RPRD1A: variants seen among roughly 807,000 people sequenced by gnomAD.
RPRD1A encodes regulation of nuclear pre-mRNA domain containing 1A, also known as regulation of nuclear pre-mRNA domain-containing protein 1A.
A neutral mutation model predicts 37.8 loss-of-function variants in RPRD1A; 9 were observed. The observed-to-expected ratio is 0.24, with a 90% CI of 0.14 to 0.42. The LOEUF is 0.42. RPRD1A is among the 10% of genes least tolerant of loss of function. The pLI is 1.00. For missense variants in RPRD1A, 255 were observed against 371.0 expected (o/e 0.69, Z 2.57); for synonymous variants, 138 against 139.7 (o/e 0.99, Z 0.08).
intron 1 of RPRD1A, chr18:36,052,984 CA>C (rs1458020206): frequency 2.6e-5 from 4 of 151,976 alleles, no homozygotes; most frequent in African/African-American, 9.7e-5. Flanking sequence ...GAACCCATCT[CA>C]AAAAACAGAA....
intron 1 of RPRD1A, among the ~76,000 whole-genome samples, chr18:36,049,090 C>CG: frequency 6.6e-6 from 1 of 152,052 alleles, no homozygotes; most frequent in Non-Finnish European, 1.5e-5. Context: ...TTAGTAGAGA[C>CG]GGGGTTCCAC....
At chr18:36,055,496 C>CTAAAA (rs1281029288) in intron 1 of RPRD1A, among the ~76,000 whole-genome samples, 1 of 152,164 alleles carries the variant, frequency 6.6e-6, no homozygotes, top group East Asian at 1.9e-4. Flanking sequence ...TCATGATACT[C>CTAAAA]TTTAGAGATT....
At chr18:36,033,635 A>G in intron 2 of RPRD1A, 73 bp downstream of exon 2, 1 of 1,335,644 alleles carries the variant, frequency 7.5e-7, no homozygotes, top group East Asian at 2.4e-5. Context: ...TTAATAGTTT[A>G]AGGCAAATTT....
chr18:36,011,005 T>G (rs1910144905), intron 6 of RPRD1A, among the ~76,000 whole-genome samples: 1 of 152,186 alleles, frequency 6.6e-6, no homozygotes, highest in Admixed American at 6.5e-5. Flanking sequence ...ATAAAAATAC[T>G]ACAGACATCT....
intron 6 of RPRD1A, chr18:36,025,760 A>G (rs1911324245): frequency 3.3e-6 from 2 of 600,258 alleles, no homozygotes; most frequent in Non-Finnish European, 5.0e-6. Context: ...CTTACCCTTA[A>G]TTCTGTGGAC....
chr18:36,062,646 GT>G (rs1314378326), intron 1 of RPRD1A, among the ~76,000 whole-genome samples: 2 of 152,140 alleles, frequency 1.3e-5, no homozygotes, highest in African/African-American at 2.4e-5. Context: ...TAATTAACAT[GT>G]TTTCCAGGCT....
chr18:36,004,323 C>A lies in RPRD1A; in HGVS notation c.790-11023G>T, dbSNP rs1045614319. Among the ~76,000 whole-genome samples, 25 of 152,116 alleles carry A rather than the reference C, an allele frequency of 1.6e-4. 1 individual carries two copies. Among genetic ancestry groups the A allele is most frequent in the Admixed American group, 1.6e-3 (25 of 15,274 alleles). On this transcript the variant is annotated intron_variant, in intron 6 of 6. Coordinates refer to ENST00000399022, the MANE Select transcript of RPRD1A (RefSeq NM_018170.5). ...TGGCTGAAATGCAGTGGTGCAGTATCAGCTTACTACAACCTCTGCCTCCTG... is the reference window on the plus strand; with the variant it reads ...TGGCTGAAATGCAGTGGTGCAGTATAAGCTTACTACAACCTCTGCCTCCTG...
At chr18:36,011,757 GTAAAA>G (rs1483885145) in intron 6 of RPRD1A, among the ~76,000 whole-genome samples, 1 of 152,106 alleles carries the variant, frequency 6.6e-6, no homozygotes, top group African/African-American at 2.4e-5. Flanking sequence ...GGGCCTATAA[GTAAAA>G]TAATAGCTTA....
chr18:36,023,095 G>A (rs1025546589), intron 6 of RPRD1A, among the ~76,000 whole-genome samples: 2 of 152,196 alleles, frequency 1.3e-5, no homozygotes, highest in South Asian at 4.1e-4. Context: ...GAGCAATTTT[G>A]ACATTCAAGT....
intron 6 of RPRD1A, among the ~76,000 whole-genome samples, chr18:36,004,112 T>A (rs1909592775): frequency 6.7e-6 from 1 of 149,628 alleles, no homozygotes; most frequent in African/African-American, 2.5e-5. Context: ...ATTACAGGCA[T>A]GAGCCACTGC....
intron 1 of RPRD1A, among the ~76,000 whole-genome samples, chr18:36,066,939 A>G (rs2089042682): frequency 6.6e-6 from 1 of 152,138 alleles, no homozygotes; most frequent in Non-Finnish European, 1.5e-5. Flanking sequence ...CTCCATTATC[A>G]TTCACAGAAT....
At chr18:36,027,934 C>T (rs1247754198) in intron 4 of RPRD1A, 2 of 151,964 alleles carry the variant, frequency 1.3e-5, no homozygotes, top group African/African-American at 2.4e-5. Context: ...ATATATATTG[C>T]TTAACCAGTA....
intron 1 of RPRD1A, among the ~76,000 whole-genome samples, chr18:36,040,364 A>G (rs1912494120): frequency 1.3e-5 from 2 of 152,230 alleles, no homozygotes; most frequent in African/African-American, 4.8e-5. Context: ...ATGTGTTATG[A>G]AACATTAGTG....
intron 6 of RPRD1A, among the ~76,000 whole-genome samples, chr18:36,019,910 C>G (rs189847536): frequency 6.6e-6 from 1 of 152,112 alleles, no homozygotes; most frequent in South Asian, 2.1e-4. Flanking sequence ...CGTGATGGCG[C>G]GCACCTGTAA....
At chr18:36,055,412 T>A (rs936503738) in intron 1 of RPRD1A, among the ~76,000 whole-genome samples, 1 of 152,222 alleles carries the variant, frequency 6.6e-6, no homozygotes, top group African/African-American at 2.4e-5. Flanking sequence ...CTTCCTTCTA[T>A]TAGCCTGTAC....
chr18:36,016,575 C>CT (rs1279670024), intron 6 of RPRD1A, among the ~76,000 whole-genome samples: 2 of 152,106 alleles, frequency 1.3e-5, no homozygotes, highest in African/African-American at 2.4e-5. Context: ...TCTCCTTTTG[C>CT]TTTTTTTAAA....
At chr18:36,004,252 C>G (rs1359844987) in intron 6 of RPRD1A, among the ~76,000 whole-genome samples, 1 of 151,782 alleles carries the variant, frequency 6.6e-6, no homozygotes, top group Non-Finnish European at 1.5e-5. Flanking sequence ...GACAGACTTC[C>G]AATCTTATTT....
chr18:36,046,494 T>G (rs1227334724), intron 1 of RPRD1A, among the ~76,000 whole-genome samples: 4 of 152,034 alleles, frequency 2.6e-5, no homozygotes, highest in African/African-American at 9.7e-5. Context: ...CTCCTTCTCC[T>G]GATGGGGCAG....
intron 4 of RPRD1A, among the ~76,000 whole-genome samples, chr18:36,030,048 C>T (rs1051691378): frequency 6.6e-6 from 1 of 151,346 alleles, no homozygotes; most frequent in Non-Finnish European, 1.5e-5. Context: ...CCTCATGATC[C>T]GACCACCTTG....
Sources: gnomAD v4.1 joint callset for allele counts (sites outside exome capture counted in the v4.1 genomes callset) on GRCh38, gnomAD v4.1.1 for gene constraint, MANE v1.5 for transcripts, NCBI Gene and HGNC (gene_info 2026-07-23, HGNC 2026-07-21) for gene names.